Variants in SYN3 observed in about 807,000 individuals in gnomAD.
The protein encoded by SYN3 is synapsin III.
A neutral mutation model predicts 65.8 loss-of-function variants in SYN3; 35 were observed. The ratio of observed to expected loss-of-function variants is 0.53; its 90% confidence interval spans 0.41 to 0.70. SYN3 has a LOEUF of 0.70. Ranked by LOEUF, SYN3 falls within the 30% of genes least tolerant of loss-of-function variation. The pLI is 0.00. For synonymous variants in SYN3, 270 were observed against 292.9 expected (o/e 0.92, Z 0.80); for missense variants, 680 against 749.0 (o/e 0.91, Z 1.08).
rs1215155919 is a variant in SYN3, at chr22:33,006,425, G to A, written c.238C>T (p.Pro80Ser). Residue 80 changes from proline to serine, a missense_variant, in exon 2 of 14, where the codon CCT becomes TCT. Physicochemically the swap from Pro to Ser is moderately conservative, Grantham distance 74. Transcript: ENST00000358763. The part of the protein sequence containing the change: ...APQATSGLME[P>S]PGPSTPIVQR... ...ACAATGGGCGTGGAGGGACCTGGAG[G>A]CTCCATCAGTCCTGAGGTGGCCTGA... 7 of 1,614,038 alleles carry A rather than the reference G, an allele frequency of 4.3e-6. No individual in the cohort carries two copies. The highest frequency in any genetic ancestry group is 1.6e-4 in the Middle Eastern group (1 of 6,084).
intron 6 of SYN3, among the ~76,000 whole-genome samples, chr22:32,598,589 G>A (rs1380104102): frequency 4.6e-5 from 7 of 152,144 alleles, no homozygotes; most frequent in Admixed American, 1.3e-4. Context: ...GGGTTCAAGC[G>A]ATTCTCCTGC....
chr22:32,785,316 T>C (rs6518796), intron 6 of SYN3, among the ~76,000 whole-genome samples: 40,293 of 152,026 alleles, frequency 0.27, 5,948 homozygotes, highest in African/African-American at 0.41. Flanking sequence ...TTTTTCCTTG[T>C]GAGTACTAGG....
intron 3 of SYN3, among the ~76,000 whole-genome samples, chr22:32,968,294 T>A (rs2051909560): frequency 6.6e-6 from 1 of 152,150 alleles, no homozygotes; most frequent in African/African-American, 2.4e-5. Context: ...TCCATGTGCC[T>A]CCTACCCAAG....
At chr22:32,823,334 A>C (rs1025021745) in intron 6 of SYN3, among the ~76,000 whole-genome samples, 5 of 152,200 alleles carry the variant, frequency 3.3e-5, no homozygotes, top group Non-Finnish European at 5.9e-5. Flanking sequence ...GACCTGCCAC[A>C]GAGAATGCCG....
intron 6 of SYN3, among the ~76,000 whole-genome samples, chr22:32,741,998 G>A (rs2044785103): frequency 6.6e-6 from 1 of 151,490 alleles, no homozygotes; most frequent in African/African-American, 2.4e-5. Flanking sequence ...CCCTGGCCGG[G>A]CGCGGTGGCT....
intron 2 of SYN3, among the ~76,000 whole-genome samples, chr22:32,988,984 G>C (rs2052616237): frequency 7.3e-6 from 1 of 136,684 alleles, no homozygotes; most frequent in Non-Finnish European, 1.6e-5. Flanking sequence ...ATGGGGATAA[G>C]AAGATCTACT....
intron 6 of SYN3, among the ~76,000 whole-genome samples, chr22:32,669,153 C>T (rs1162525152): frequency 6.6e-6 from 1 of 151,870 alleles, no homozygotes; most frequent in Non-Finnish European, 1.5e-5. Context: ...GATTTGAAAC[C>T]GGGTTCTTAG....
intron 4 of SYN3, among the ~76,000 whole-genome samples, chr22:32,917,785 T>C (rs1355667937): frequency 6.6e-6 from 1 of 152,250 alleles, no homozygotes; most frequent in Non-Finnish European, 1.5e-5. Flanking sequence ...CGCTGGCCTG[T>C]TGGCTGGAGG....
At chr22:32,576,716 C>A (rs891479546) in intron 7 of SYN3, among the ~76,000 whole-genome samples, 3 of 152,070 alleles carry the variant, frequency 2.0e-5, no homozygotes, top group South Asian at 4.1e-4. Flanking sequence ...TCATTCCTCA[C>A]GGCCTTGCTT....
chr22:32,913,747 G>T (rs940263040), intron 4 of SYN3, among the ~76,000 whole-genome samples: 59 of 152,282 alleles, frequency 3.9e-4, no homozygotes, highest in African/African-American at 1.3e-3. Context: ...GAATGACAAT[G>T]CGAAGAGCCG....
At chr22:32,858,781 T>C (rs1408110522) in intron 6 of SYN3, among the ~76,000 whole-genome samples, 1 of 152,148 alleles carries the variant, frequency 6.6e-6, no homozygotes, top group Non-Finnish European at 1.5e-5. Context: ...TGAATCTGGT[T>C]TCCAACCTAG....
rs1464916498 is a variant in SYN3, at chr22:32,511,655, C to A, written c.*2037G>T. Among the ~76,000 whole-genome samples, 1 of 152,216 alleles carries A rather than the reference C, an allele frequency of 6.6e-6. No homozygotes were observed. Among genetic ancestry groups the A allele is most frequent in the East Asian group, 1.9e-4 (1 of 5,196 alleles). On this transcript the variant is annotated 3_prime_UTR_variant, in exon 14 of 14. Transcript: ENST00000358763. ...GAGTACCAGGCCTTCACCTCTTCACCTCTCACCTCACACAATGGCTATTTT... is the reference window on the plus strand; with the variant it reads ...GAGTACCAGGCCTTCACCTCTTCACATCTCACCTCACACAATGGCTATTTT...
chr22:32,939,537 A>G (rs1032929417), intron 3 of SYN3, among the ~76,000 whole-genome samples: 1 of 152,190 alleles, frequency 6.6e-6, no homozygotes, highest in African/African-American at 2.4e-5. Context: ...CCCCCACACC[A>G]TGATGCTACC....
At chr22:32,938,286 T>C (rs1013669102) in intron 3 of SYN3, among the ~76,000 whole-genome samples, 48 of 152,132 alleles carry the variant, frequency 3.2e-4, no homozygotes, top group African/African-American at 1.1e-3. Flanking sequence ...CCCAGCACTT[T>C]GGGAGGCCGA....
intron 6 of SYN3, among the ~76,000 whole-genome samples, chr22:32,774,962 A>T (rs2045873240): frequency 6.6e-6 from 1 of 152,238 alleles, no homozygotes; most frequent in Non-Finnish European, 1.5e-5. Context: ...GCTGAGGCAG[A>T]TAAGACAAAT....
At chr22:32,604,445 G>T (rs559250839) in intron 6 of SYN3, among the ~76,000 whole-genome samples, 178 of 152,152 alleles carry the variant, frequency 1.2e-3, no homozygotes, top group African/African-American at 4.1e-3. Flanking sequence ...CTCCAGCCAC[G>T]GTCTTTGCGT....
At chr22:32,849,386 T>G (rs2048155687) in intron 6 of SYN3, 1,234 of 1,364,498 alleles carry the variant, frequency 9.0e-4, no homozygotes, top group Non-Finnish European at 1.2e-3. Context: ...GTGCCCGCCC[T>G]GAGATGCTGT....
intron 1 of SYN3, among the ~76,000 whole-genome samples, chr22:33,026,737 C>T (rs1290320465): frequency 2.0e-5 from 3 of 152,122 alleles, no homozygotes; most frequent in Non-Finnish European, 4.4e-5. Context: ...CTGCCATGCC[C>T]ATCGACCTGG....
intron 3 of SYN3, among the ~76,000 whole-genome samples, chr22:32,978,685 C>T (rs1340402419): frequency 6.6e-6 from 1 of 152,164 alleles, no homozygotes; most frequent in Non-Finnish European, 1.5e-5. Context: ...TGGCTTCTAC[C>T]TGTAAGTTCA....
Sources: allele counts gnomAD v4.1 joint callset (sites outside exome capture counted in the v4.1 genomes callset), GRCh38; gene constraint gnomAD v4.1.1; transcripts MANE v1.5; gene names NCBI Gene and HGNC (gene_info 2026-07-23, HGNC 2026-07-21).